Variants in PGBD5 observed in about 807,000 individuals in gnomAD.
PGBD5 encodes piggyBac transposable element-derived protein 5.
In PGBD5, 14 loss-of-function variants were observed where a neutral mutation model predicts 47.9. The observed-to-expected ratio is 0.29, with a 90% CI of 0.19 to 0.46. PGBD5 has a LOEUF of 0.46. Ranked by LOEUF, PGBD5 falls within the 20% of genes least tolerant of loss-of-function variation. The pLI, the probability that PGBD5 is intolerant of heterozygous loss-of-function variation, is 1.00. For synonymous variants in PGBD5, 316 were observed against 306.3 expected (o/e 1.03, Z -0.33); for missense variants, 635 against 716.0 (o/e 0.89, Z 1.29).
intron 3 of PGBD5, among the ~76,000 whole-genome samples, chr1:230,339,391 A>G (rs760098405): frequency 3.2e-4 from 48 of 152,340 alleles, no homozygotes; most frequent in Non-Finnish European, 5.7e-4. Context: ...TTCCGGAGGG[A>G]AATTTTGCCC....
At chr1:230,335,176 GAC>G (rs1399560270) in intron 4 of PGBD5, among the ~76,000 whole-genome samples, 9 of 79,102 alleles carry the variant, frequency 1.1e-4, no homozygotes, top group Admixed American at 2.6e-4. Flanking sequence ...CAGACACACA[GAC>G]ACACAGACTT....
At chr1:230,340,968 G>A (rs1019141232) in intron 3 of PGBD5, among the ~76,000 whole-genome samples, 2 of 152,134 alleles carry the variant, frequency 1.3e-5, no homozygotes, top group African/African-American at 4.8e-5. Flanking sequence ...TGTCACAGGA[G>A]AAGGGGACAG....
chr1:230,349,551 A>C (rs1667529440), intron 3 of PGBD5, among the ~76,000 whole-genome samples: 1 of 151,300 alleles, frequency 6.6e-6, no homozygotes, highest in South Asian at 2.1e-4. Flanking sequence ...AAAAAAAAAA[A>C]AAAAAGCTAC....
chr1:230,392,887 C>T (rs1259770420), intron 1 of PGBD5, among the ~76,000 whole-genome samples: 1 of 151,760 alleles, frequency 6.6e-6, no homozygotes, highest in Non-Finnish European at 1.5e-5. Flanking sequence ...AGCCCCAGAG[C>T]CTGGAGCAGC....
At chr1:230,363,347 C>T (rs532523114) in intron 1 of PGBD5, among the ~76,000 whole-genome samples, 29 of 152,238 alleles carry the variant, frequency 1.9e-4, no homozygotes, top group African/African-American at 6.0e-4. Flanking sequence ...TTTAGGAGGC[C>T]GAGGCAGGCA....
chr1:230,329,552 G>A (rs1667180916), intron 5 of PGBD5, among the ~76,000 whole-genome samples: 3 of 152,012 alleles, frequency 2.0e-5, no homozygotes, highest in Non-Finnish European at 4.4e-5. Context: ...TGCTCTGTCG[G>A]CCAGGCTGGA....
chr1:230,416,645 C>T (rs1657520499), intron 1 of PGBD5, among the ~76,000 whole-genome samples: 1 of 152,140 alleles, frequency 6.6e-6, no homozygotes, highest in Non-Finnish European at 1.5e-5. Context: ...GGGCAAGGGC[C>T]TGGCAGACAG....
At chr1:230,354,365 T>C (rs558417386) in intron 2 of PGBD5, among the ~76,000 whole-genome samples, 1 of 152,224 alleles carries the variant, frequency 6.6e-6, no homozygotes, top group South Asian at 2.1e-4. Flanking sequence ...AGCTGAGGCC[T>C]GGAGGTCAGC....
At chr1:230,324,177 AC>A in intron 6 of PGBD5, among the ~76,000 whole-genome samples, 1 of 152,212 alleles carries the variant, frequency 6.6e-6, no homozygotes, top group East Asian at 1.9e-4. Flanking sequence ...CTCAGGCCTC[AC>A]TCACTGCACT....
At chr1:230,423,160 G>C (rs1488385110) in intron 1 of PGBD5, among the ~76,000 whole-genome samples, 1 of 152,044 alleles carries the variant, frequency 6.6e-6, no homozygotes, top group East Asian at 1.9e-4. Context: ...TTTTACAGTT[G>C]CAGCAAGGCA....
intron 2 of PGBD5, among the ~76,000 whole-genome samples, chr1:230,355,544 T>C (rs556808387): frequency 3.9e-5 from 6 of 152,316 alleles, no homozygotes; most frequent in Admixed American, 3.3e-4. Flanking sequence ...GAAAAGACAA[T>C]GTGCTCAGGC....
At chr1:230,403,512 A>G (rs1374202967) in intron 1 of PGBD5, among the ~76,000 whole-genome samples, 1 of 152,200 alleles carries the variant, frequency 6.6e-6, no homozygotes, top group Admixed American at 6.5e-5. Context: ...GACCAGCACC[A>G]GAGCCTCAGG....
Position 230,373,645 on chromosome 1 carries a change from T to C in PGBD5, c.332-16324A>G, listed in dbSNP as rs574691924. The stretch of plus-strand genomic sequence containing the variant: ...TAAGGTGAAATATGACTTTGTAAAA[T>C]GTTCATATTTTTTGAAGTTATTCTG... On this transcript the variant is annotated intron_variant, in intron 1 of 6. Coordinates refer to ENST00000391860, the MANE Select transcript of PGBD5 (RefSeq NM_001258311.2). Among the ~76,000 whole-genome samples, 4 of 152,314 alleles carry C rather than the reference T, an allele frequency of 2.6e-5. No homozygotes were observed. In the South Asian group the frequency reaches 6.2e-4, roughly 24 times the overall value.
At chr1:230,424,114 G>A (rs1366265600) in intron 1 of PGBD5, among the ~76,000 whole-genome samples, 2 of 152,150 alleles carry the variant, frequency 1.3e-5, no homozygotes, top group Non-Finnish European at 2.9e-5. Context: ...GTCCCAGGTG[G>A]ACCTGGATCT....
chr1:230,350,477 TGGA>T (rs937887677), intron 3 of PGBD5, among the ~76,000 whole-genome samples: 1 of 152,112 alleles, frequency 6.6e-6, no homozygotes, highest in African/African-American at 2.4e-5. Context: ...AGGCTGTTGG[TGGA>T]GGTCTGTGAA....
chr1:230,353,315 C>CA (rs975121812), intron 2 of PGBD5, among the ~76,000 whole-genome samples: 2 of 152,122 alleles, frequency 1.3e-5, no homozygotes, highest in Non-Finnish European at 2.9e-5. Flanking sequence ...AGGGGAAAGA[C>CA]AAAACATCCA....
At chr1:230,373,855 G>A (rs951863081) in intron 1 of PGBD5, among the ~76,000 whole-genome samples, 5 of 151,846 alleles carry the variant, frequency 3.3e-5, no homozygotes, top group Non-Finnish European at 7.4e-5. Flanking sequence ...CACCACACCC[G>A]GCTAATTTTT....
chr1:230,342,419 G>C, intron 3 of PGBD5, among the ~76,000 whole-genome samples: 1 of 152,346 alleles, frequency 6.6e-6, no homozygotes, highest in South Asian at 2.1e-4. Flanking sequence ...TCTCTAGTGT[G>C]CAAGGAGCTA....
At chr1:230,390,161 A>G (rs975664000) in intron 1 of PGBD5, among the ~76,000 whole-genome samples, 26 of 152,196 alleles carry the variant, frequency 1.7e-4, no homozygotes, top group Non-Finnish European at 1.6e-4. Context: ...TGCAACCAGA[A>G]GAACTCAATA....
Sources: gnomAD v4.1 joint callset for allele counts (sites outside exome capture counted in the v4.1 genomes callset) on GRCh38, gnomAD v4.1.1 for gene constraint, MANE v1.5 for transcripts, NCBI Gene and HGNC (gene_info 2026-07-23, HGNC 2026-07-21) for gene names.